The following PPP2R2A variants were observed in gnomAD, a reference collection of about 807,000 sequenced individuals.
PPP2R2A encodes protein phosphatase 2 regulatory subunit Balpha.
PPP2R2A carries 9 observed loss-of-function variants against 53.2 expected under a neutral mutation model. The ratio of observed to expected loss-of-function variants is 0.17; its 90% CI spans 0.10 to 0.30. The LOEUF (loss-of-function observed/expected upper bound fraction) is 0.30. Among genes scored for constraint, PPP2R2A ranks in the 10% least tolerant of loss-of-function variants. The pLI, the probability that PPP2R2A is intolerant of heterozygous loss-of-function variation, is 1.00. For missense variants in PPP2R2A, 235 were observed against 534.6 expected (o/e 0.44, Z 5.53); for synonymous variants, 169 against 174.2 (o/e 0.97, Z 0.23).
intron 2 of PPP2R2A, among the ~76,000 whole-genome samples, chr8:26,326,835 T>G (rs1803111917): frequency 6.6e-6 from 1 of 152,230 alleles, no homozygotes; most frequent in Non-Finnish European, 1.5e-5. Context: ...ATGCTCAATT[T>G]AGAGCTCTTC....
chr8:26,327,465 G>A (rs1803150607), intron 2 of PPP2R2A, among the ~76,000 whole-genome samples: 1 of 152,192 alleles, frequency 6.6e-6, no homozygotes, highest in Admixed American at 6.5e-5. Context: ...TAAGGAGGAA[G>A]GGATTCCTAA....
At chr8:26,304,361 T>C (rs996757896) in intron 2 of PPP2R2A, among the ~76,000 whole-genome samples, 1 of 152,130 alleles carries the variant, frequency 6.6e-6, no homozygotes, top group African/African-American at 2.4e-5. Context: ...ACCAGTTGCT[T>C]ATTTTATACT....
intron 2 of PPP2R2A, among the ~76,000 whole-genome samples, chr8:26,295,719 A>T (rs1261693599): frequency 2.6e-5 from 4 of 152,212 alleles, no homozygotes; most frequent in Admixed American, 1.3e-4. Flanking sequence ...AACATATCTT[A>T]GTAAAAATAT....
rs1805147822 is a variant in PPP2R2A at position 26,362,314 on chromosome 8, G to T, written c.638-370G>T. 6.6e-6 allele frequency among the ~76,000 whole-genome samples: 1 copy of T among 150,470 alleles called. No homozygotes were observed. The highest frequency in any genetic ancestry group is 6.6e-5 in the Admixed American group (1 of 15,084). Reference sequence around the variant, plus strand: ...GGTCGAGACCAGCCTGGCCAACATAGTGAAACCCCGTCTCTACTAAAAATA... The same window carrying T: ...GGTCGAGACCAGCCTGGCCAACATATTGAAACCCCGTCTCTACTAAAAATA... On this transcript the variant is annotated intron_variant, in intron 6 of 9. Transcript: ENST00000380737. The surrounding 1 kb of genome is among the most constrained non-coding windows in gnomAD (Gnocchi z 4.4).
intron 2 of PPP2R2A, among the ~76,000 whole-genome samples, chr8:26,335,257 G>A (rs554696432): frequency 1.3e-5 from 2 of 152,250 alleles, no homozygotes; most frequent in African/African-American, 4.8e-5. Flanking sequence ...CATATTCCCA[G>A]TGAGACTGTG....
intron 2 of PPP2R2A, among the ~76,000 whole-genome samples, chr8:26,299,307 A>C (rs1801679996): frequency 6.6e-6 from 1 of 152,094 alleles, no homozygotes; most frequent in African/African-American, 2.4e-5. Context: ...AGTTATTTTA[A>C]TTATTTTAAT....
intron 2 of PPP2R2A, among the ~76,000 whole-genome samples, chr8:26,335,842 C>G (rs761508513): frequency 6.6e-6 from 1 of 152,184 alleles, no homozygotes; most frequent in African/African-American, 2.4e-5. Context: ...TGCTACAAAA[C>G]TAGTTCACTG....
intron 3 of PPP2R2A, among the ~76,000 whole-genome samples, chr8:26,341,085 T>C (rs1468259904): frequency 6.6e-6 from 1 of 152,152 alleles, no homozygotes; most frequent in East Asian, 1.9e-4. Flanking sequence ...TTAAGAATTC[T>C]AGATGGAGAG....
intron 3 of PPP2R2A, among the ~76,000 whole-genome samples, chr8:26,345,308 C>T (rs1277699996): frequency 3.3e-5 from 5 of 152,162 alleles, no homozygotes; most frequent in African/African-American, 1.2e-4. Context: ...TCCCTAGCCT[C>T]ACACATATAA....
intron 1 of PPP2R2A, chr8:26,293,335 C>A: frequency 7.1e-7 from 1 of 1,409,390 alleles, no homozygotes; most frequent in Non-Finnish European, 9.7e-7. Context: ...CTTAAGAAAA[C>A]TCTTTAACTC....
At chr8:26,317,671 C>A (rs1447682905) in intron 2 of PPP2R2A, among the ~76,000 whole-genome samples, 1 of 152,122 alleles carries the variant, frequency 6.6e-6, no homozygotes, top group Non-Finnish European at 1.5e-5. Flanking sequence ...TAAAAGGAGA[C>A]CCAGACAAAT....
chr8:26,366,136 AG>A, intron 8 of PPP2R2A, 178 bp from the exon 9 acceptor site: 1 of 532,580 alleles, frequency 1.9e-6, no homozygotes, highest in Non-Finnish European at 3.2e-6. Flanking sequence ...ACCTCCCTGA[AG>A]GGCTTGTGTG....
chr8:26,369,295 T>A lies in PPP2R2A; in HGVS notation c.1065-839T>A, dbSNP rs574101934. ...AGGCTGGAGTGCAGTGGCACAATCT[T>A]GGCTCAGTGCAACCTCCGCCTCCCG... On this transcript the variant is annotated intron_variant, in intron 9 of 9. Transcript: ENST00000380737. 1.8e-4 allele frequency among the ~76,000 whole-genome samples: 27 copies of A among 151,984 alleles called. No homozygotes were observed. In the South Asian group the frequency reaches 5.4e-3, roughly 30 times the overall value.
At chr8:26,320,739 A>G (rs1462339099) in intron 2 of PPP2R2A, among the ~76,000 whole-genome samples, 4 of 151,652 alleles carry the variant, frequency 2.6e-5, no homozygotes, top group Admixed American at 6.6e-5. Context: ...GTTTGGTGGT[A>G]TTATTATTAT....
In PPP2R2A at chr8:26,371,743, T is replaced by G. The variant is rs1208963641; in HGVS notation, c.*1330T>G. On this transcript the variant is annotated 3_prime_UTR_variant, in exon 10 of 10. Transcript: ENST00000380737. ...TAAAGGTACAGCGTTCAAAAAGTGCTTAATGAACTCCAACAGCTGCCTCAA... is the reference window on the plus strand; with the variant it reads ...TAAAGGTACAGCGTTCAAAAAGTGCGTAATGAACTCCAACAGCTGCCTCAA... 3 of 152,220 alleles carry G rather than the reference T, an allele frequency of 2.0e-5. No individual in the cohort carries two copies. In the East Asian group the frequency reaches 5.8e-4, roughly 29 times the overall value. 9.4% of individuals were successfully genotyped at this position (152,220 alleles called of 1,614,324 possible).
rs1333020181 is a variant in PPP2R2A, at chr8:26,365,976, A to G, written c.973-339A>G. The G allele has an allele frequency of 2.2e-5, 4 of 183,222 alleles. No individual in the cohort carries two copies. In the South Asian group the frequency reaches 6.0e-4, roughly 27 times the overall value. 11.3% of individuals were successfully genotyped at this position (183,222 alleles called of 1,614,324 possible). ...TGGACTGAAAGCCAAGAATAGTGAT[A>G]TTCAGATATTGCTATAATGTTCTTT... On this transcript the variant is annotated intron_variant, in intron 8 of 9. Coordinates refer to ENST00000380737, the MANE Select transcript of PPP2R2A (RefSeq NM_002717.4).
chr8:26,308,707 CTT>C (rs1554508625), intron 2 of PPP2R2A, among the ~76,000 whole-genome samples: 2 of 152,182 alleles, frequency 1.3e-5, no homozygotes, highest in Non-Finnish European at 2.9e-5. Flanking sequence ...CTTTCAGACT[CTT>C]GTCAATGTTG....
chr8:26,309,287 T>A (rs1802167433), intron 2 of PPP2R2A, among the ~76,000 whole-genome samples: 1 of 152,174 alleles, frequency 6.6e-6, no homozygotes, highest in African/African-American at 2.4e-5. Context: ...TCTATCAGAG[T>A]TCTTGGATGA....
At chr8:26,309,789 G>T (rs937078508) in intron 2 of PPP2R2A, among the ~76,000 whole-genome samples, 1 of 152,158 alleles carries the variant, frequency 6.6e-6, no homozygotes, top group Non-Finnish European at 1.5e-5. Flanking sequence ...AGGTGGAGCA[G>T]TCAGAACACG....
Sources: allele counts gnomAD v4.1 joint callset (sites outside exome capture counted in the v4.1 genomes callset), GRCh38; gene constraint gnomAD v4.1.1; non-coding constraint Gnocchi (gnomAD v3.1); transcripts MANE v1.5; gene names NCBI Gene and HGNC (gene_info 2026-07-23, HGNC 2026-07-21).